Variants in PPARGC1A observed in about 807,000 individuals in gnomAD.
PPARGC1A encodes the protein PPARG coactivator 1 alpha.
PPARGC1A carries 25 observed loss-of-function variants against 88.7 expected under a neutral mutation model. The observed-to-expected ratio is 0.28, with a 90% CI of 0.21 to 0.39. The LOEUF (loss-of-function observed/expected upper bound fraction) is 0.39. PPARGC1A is among the 10% of genes least tolerant of loss of function. The pLI, the probability that PPARGC1A is intolerant of heterozygous loss-of-function variation, is 1.00. For synonymous variants in PPARGC1A, 363 were observed against 355.6 expected (o/e 1.02, Z -0.24); for missense variants, 880 against 968.7 (o/e 0.91, Z 1.22).
the PPARGC1A span, among the ~76,000 whole-genome samples, chr4:24,305,560 C>T: frequency 6.6e-6 from 1 of 152,146 alleles, no homozygotes; most frequent in Non-Finnish European, 1.5e-5. Context: ...TGCCTGTAAT[C>T]CCAGCACTTT....
chr4:24,192,429 T>A, the PPARGC1A span, among the ~76,000 whole-genome samples: 2 of 152,244 alleles, frequency 1.3e-5, no homozygotes, highest in East Asian at 3.8e-4. Flanking sequence ...CGTCAGTAGT[T>A]AATGTTTAGC....
chr4:24,051,200 A>AC, the PPARGC1A span, among the ~76,000 whole-genome samples: 1 of 150,882 alleles, frequency 6.6e-6, no homozygotes, highest in Admixed American at 6.6e-5. Flanking sequence ...AAAAAAAAAA[A>AC]AAAAAAAAAA....
chr4:24,040,328 T>A, the PPARGC1A span, among the ~76,000 whole-genome samples: 2 of 152,242 alleles, frequency 1.3e-5, no homozygotes, highest in Non-Finnish European at 2.9e-5. Context: ...TTCTCATCAC[T>A]GACCTCCATT....
At chr4:24,037,750 C>G in the PPARGC1A span, among the ~76,000 whole-genome samples, 1 of 152,244 alleles carries the variant, frequency 6.6e-6, no homozygotes, top group Middle Eastern at 3.4e-3. Flanking sequence ...CTCTTTGTAT[C>G]CATGACATGC....
chr4:24,107,927 C>G, the PPARGC1A span, among the ~76,000 whole-genome samples: 1 of 152,056 alleles, frequency 6.6e-6, no homozygotes, highest in Non-Finnish European at 1.5e-5. Flanking sequence ...TTAGGTTTGC[C>G]AAGTAGATAG....
chr4:23,888,946 C>T, intron 1 of PPARGC1A: 1 of 985,310 alleles, frequency 1.0e-6, no homozygotes, highest in Non-Finnish European at 1.2e-6. Flanking sequence ...TCACCAGAGT[C>T]CACAGAAAGT....
At chr4:24,179,231 G>C in the PPARGC1A span, among the ~76,000 whole-genome samples, 2 of 152,090 alleles carry the variant, frequency 1.3e-5, 1 homozygote, top group Non-Finnish European at 2.9e-5. Flanking sequence ...GAAGAGACTT[G>C]TCCAAGGTGA....
chr4:24,009,365 G>A, the PPARGC1A span, among the ~76,000 whole-genome samples: 1 of 152,080 alleles, frequency 6.6e-6, no homozygotes, highest in Admixed American at 6.6e-5. Context: ...TGAAAATAGG[G>A]TCTGATTTTA....
At chr4:24,004,716 G>A in the PPARGC1A span, among the ~76,000 whole-genome samples, 1 of 152,140 alleles carries the variant, frequency 6.6e-6, no homozygotes, top group African/African-American at 2.4e-5. Context: ...AGAACAACAC[G>A]AGCCACACGT....
intron 10 of PPARGC1A, among the ~76,000 whole-genome samples, chr4:23,809,511 G>T (rs1287896782): frequency 6.6e-6 from 1 of 152,008 alleles, no homozygotes; most frequent in Non-Finnish European, 1.5e-5. Context: ...CTTAGTATAA[G>T]CTATAGCCGC....
At chr4:24,027,746 A>C in the PPARGC1A span, among the ~76,000 whole-genome samples, 9 of 152,196 alleles carry the variant, frequency 5.9e-5, no homozygotes, top group Non-Finnish European at 1.2e-4. Context: ...CGAAGGAAAA[A>C]TAGTCGTAAT....
the PPARGC1A span, among the ~76,000 whole-genome samples, chr4:24,159,297 G>A: frequency 2.2e-5 from 3 of 134,432 alleles, no homozygotes; most frequent in African/African-American, 8.6e-5. Context: ...TGCAACTTCC[G>A]CCTCCTGGGT....
At chr4:24,060,896 A>C in the PPARGC1A span, among the ~76,000 whole-genome samples, 1 of 152,246 alleles carries the variant, frequency 6.6e-6, no homozygotes, top group South Asian at 2.1e-4. Context: ...TCTTAACAAA[A>C]CCCTGGGAGT....
the PPARGC1A span, among the ~76,000 whole-genome samples, chr4:24,326,885 G>A: frequency 1.7e-4 from 26 of 152,100 alleles, no homozygotes; most frequent in African/African-American, 6.0e-4. Flanking sequence ...ACTTTTAGAG[G>A]CCTTTCCTAC....
chr4:24,175,863 C>T, the PPARGC1A span, among the ~76,000 whole-genome samples: 194 of 152,168 alleles, frequency 1.3e-3, 2 homozygotes, highest in Non-Finnish European at 4.4e-4. Context: ...ATTTCACTAG[C>T]GCTGTCATGA....
chr4:24,317,596 A>AC, the PPARGC1A span, among the ~76,000 whole-genome samples: 4 of 131,134 alleles, frequency 3.1e-5, no homozygotes, highest in African/African-American at 1.3e-4. Context: ...AAAAAAAAAA[A>AC]CACCACCACC....
chr4:24,196,037 T>A, the PPARGC1A span, among the ~76,000 whole-genome samples: 1 of 152,220 alleles, frequency 6.6e-6, no homozygotes, highest in Non-Finnish European at 1.5e-5. Context: ...TTCTCTCTAT[T>A]TCATCTCATC....
the PPARGC1A span, among the ~76,000 whole-genome samples, chr4:24,292,003 G>A: frequency 1.3e-5 from 2 of 152,184 alleles, no homozygotes; most frequent in African/African-American, 4.8e-5. Context: ...GAAAACCTGC[G>A]AGAGTGACGT....
chr4:23,898,548 A>T (rs866901791), intron 1 of PPARGC1A, among the ~76,000 whole-genome samples: 6 of 152,198 alleles, frequency 3.9e-5, no homozygotes, highest in Admixed American at 2.6e-4. Flanking sequence ...CTATTCTCAC[A>T]CAATGCTGGG....
Sources: allele counts gnomAD v4.1 joint callset (sites outside exome capture counted in the v4.1 genomes callset), GRCh38; gene constraint gnomAD v4.1.1; transcripts MANE v1.5; gene names NCBI Gene and HGNC (gene_info 2026-07-23, HGNC 2026-07-21).